The following CDK14 variants were observed in gnomAD, a reference collection of about 807,000 sequenced individuals.
The protein encoded by CDK14 is cyclin dependent kinase 14, also known as cyclin-dependent kinase 14.
A neutral mutation model predicts 60.7 loss-of-function variants in CDK14; 34 were observed. That is an observed-to-expected ratio of 0.56 (90% CI 0.43 to 0.75). CDK14 has a LOEUF of 0.75. Among genes scored for constraint, CDK14 ranks in the 30% least tolerant of loss-of-function variants. The probability of loss-of-function intolerance (pLI) is 0.00; values close to 1 mark genes in which losing one functional copy is unlikely to be tolerated. For missense variants in CDK14, 482 were observed against 564.1 expected, an observed-to-expected ratio of 0.85 and a Z score of 1.47; for synonymous variants, 197 against 203.7, an observed-to-expected ratio of 0.97 and a Z score of 0.28.
At chr7:90,656,813 G>GT (rs1800760020) in intron 2 of CDK14, among the ~76,000 whole-genome samples, 1 of 152,012 alleles carries the variant, frequency 6.6e-6, no homozygotes, top group South Asian at 2.1e-4. Context: ...CAACTTTATA[G>GT]TTTTTTTGCA....
intron 10 of CDK14, among the ~76,000 whole-genome samples, chr7:91,043,221 C>G (rs537465106): frequency 6.6e-6 from 1 of 152,196 alleles, no homozygotes; most frequent in Non-Finnish European, 1.5e-5. Flanking sequence ...GTTTTGCTAA[C>G]GCAAGCATTG....
chr7:90,855,493 A>C (rs1456854609), intron 5 of CDK14, among the ~76,000 whole-genome samples: 1 of 152,204 alleles, frequency 6.6e-6, no homozygotes, highest in Non-Finnish European at 1.5e-5. Context: ...AATTCAAATG[A>C]TGCAGAAAGA....
chr7:91,085,512 ACT>A lies in CDK14; in HGVS notation c.1154+6039_1154+6040del, dbSNP rs140145327. On this transcript the variant is annotated intron_variant, in intron 12 of 14. Transcript: ENST00000380050. ...TGGGCCCACCTGGTTAATCCAGGTT[ACT>A]CTCTCTGTACAGTCCCTTTTGCTGT... is the stretch of plus-strand genomic sequence containing the variant. Among the ~76,000 whole-genome samples, 1,047 of 152,112 alleles carry A rather than the reference ACT, an allele frequency of 6.9e-3. 17 individuals are homozygous for A. The highest frequency in any genetic ancestry group is 0.024 in the African/African-American group (1,011 of 41,474).
intron 2 of CDK14, among the ~76,000 whole-genome samples, chr7:90,719,502 G>A (rs754579562): frequency 5.9e-5 from 9 of 152,126 alleles, no homozygotes; most frequent in Non-Finnish European, 7.4e-5. Context: ...ATTTTACATA[G>A]CTCTAAGCTA....
chr7:90,733,744 G>A (rs886518846), intron 3 of CDK14, among the ~76,000 whole-genome samples: 3 of 152,136 alleles, frequency 2.0e-5, no homozygotes, highest in African/African-American at 7.2e-5. Context: ...CACACTGATG[G>A]GTCTTGACTC....
At chr7:91,194,382 A>G (rs1207308935) in intron 14 of CDK14, among the ~76,000 whole-genome samples, 1 of 152,178 alleles carries the variant, frequency 6.6e-6, no homozygotes, top group Non-Finnish European at 1.5e-5. Flanking sequence ...GAATCTAGTA[A>G]TTACAAAAAG....
At chr7:91,111,289 A>G (rs1799462029) in intron 12 of CDK14, among the ~76,000 whole-genome samples, 2 of 152,126 alleles carry the variant, frequency 1.3e-5, no homozygotes, top group South Asian at 4.1e-4. Context: ...ATACTAAAGA[A>G]TTGGTTGAGG....
At chr7:91,002,797 G>A (rs942145067) in intron 10 of CDK14, among the ~76,000 whole-genome samples, 5 of 152,146 alleles carry the variant, frequency 3.3e-5, no homozygotes, top group Non-Finnish European at 5.9e-5. Flanking sequence ...GATGTGGCCG[G>A]GCCCGGTGGT....
At chr7:91,072,155 C>G (rs904857703) in intron 11 of CDK14, among the ~76,000 whole-genome samples, 6 of 152,180 alleles carry the variant, frequency 3.9e-5, no homozygotes, top group African/African-American at 1.4e-4. Flanking sequence ...ACCCCCTCCA[C>G]CAAGGGACAA....
At chr7:91,049,783 T>C (rs1797340460) in intron 11 of CDK14, among the ~76,000 whole-genome samples, 1 of 152,248 alleles carries the variant, frequency 6.6e-6, no homozygotes, top group Non-Finnish European at 1.5e-5. Flanking sequence ...GCACCACTTA[T>C]ATGTCTAGGG....
At chr7:90,913,458 G>C (rs1173643837) in intron 7 of CDK14, among the ~76,000 whole-genome samples, 2 of 152,200 alleles carry the variant, frequency 1.3e-5, no homozygotes, top group Admixed American at 6.5e-5. Context: ...ACATTGATTT[G>C]AGAAAAGGCA....
rs57352513 is a variant in CDK14 at position 90,998,895 on chromosome 7, A to AAAATAAAT, written c.1041+14671_1041+14678dup. Among the ~76,000 whole-genome samples the AAAATAAAT allele has an allele frequency of 4.9e-4, 74 of 150,310 alleles. 1 individual carries two copies. The highest frequency in any genetic ancestry group is 3.4e-3 in the Middle Eastern group (1 of 292). The stretch of plus-strand genomic sequence containing the variant: ...CAGAGTGAGCCTCCATCTCAAAAAT[A>AAAATAAAT]AAATAAATAAATAAATAAATAAATT... On this transcript the variant is annotated intron_variant, in intron 10 of 14. Transcript: ENST00000380050.
chr7:91,132,104 A>G (rs1800136583), intron 14 of CDK14, among the ~76,000 whole-genome samples: 1 of 152,136 alleles, frequency 6.6e-6, no homozygotes, highest in African/African-American at 2.4e-5. Context: ...CAATTTAGGG[A>G]CACAAATGCA....
chr7:91,079,984 A>G (rs1003821596), intron 12 of CDK14, among the ~76,000 whole-genome samples: 4 of 151,978 alleles, frequency 2.6e-5, no homozygotes, highest in African/African-American at 4.8e-5. Flanking sequence ...ACCTTACTTC[A>G]TTTTATTTGT....
At chr7:91,036,037 G>T (rs1367750095) in intron 10 of CDK14, among the ~76,000 whole-genome samples, 1 of 152,016 alleles carries the variant, frequency 6.6e-6, no homozygotes, top group Admixed American at 6.5e-5. Context: ...TAGAGACGGG[G>T]TTTCACCTTG....
intron 2 of CDK14, among the ~76,000 whole-genome samples, chr7:90,642,623 G>T (rs1407951989): frequency 6.6e-6 from 1 of 152,016 alleles, no homozygotes; most frequent in Non-Finnish European, 1.5e-5. Flanking sequence ...CAAGTGATCT[G>T]CCTGCCTTGG....
chr7:90,635,116 G>A (rs1354001942), intron 2 of CDK14, among the ~76,000 whole-genome samples: 1 of 151,928 alleles, frequency 6.6e-6, no homozygotes, highest in South Asian at 2.1e-4. Flanking sequence ...TTCTTTTGCT[G>A]TGCAGAAGCT....
intron 9 of CDK14, among the ~76,000 whole-genome samples, chr7:90,959,661 C>T (rs1402715456): frequency 6.6e-6 from 1 of 152,002 alleles, no homozygotes; most frequent in Non-Finnish European, 1.5e-5. Context: ...TTCCAGTTTT[C>T]TGTTTAAATA....
intron 2 of CDK14, among the ~76,000 whole-genome samples, chr7:90,629,983 C>T (rs537534411): frequency 9.2e-5 from 14 of 152,044 alleles, no homozygotes; most frequent in East Asian, 3.9e-4. Context: ...GCCAAGATAG[C>T]GGCCAAGATA....
Sources: allele counts gnomAD v4.1 joint callset (sites outside exome capture counted in the v4.1 genomes callset), GRCh38; gene constraint gnomAD v4.1.1; transcripts MANE v1.5; gene names NCBI Gene and HGNC (gene_info 2026-07-23, HGNC 2026-07-21).